Variants in SYT1 observed in about 807,000 individuals in gnomAD.
SYT1 encodes synaptotagmin-1.
In SYT1, 8 loss-of-function variants were observed where a neutral mutation model predicts 44.8. The observed-to-expected ratio is 0.18, with a 90% CI of 0.10 to 0.32. The LOEUF (loss-of-function observed/expected upper bound fraction) is 0.32, where lower values mean the gene tolerates loss of function less well. Ranked by LOEUF, SYT1 falls within the 10% of genes least tolerant of loss-of-function variation. SYT1 has a pLI of 1.00. For missense variants in SYT1, 286 were observed against 509.3 expected (o/e 0.56, Z 4.22); for synonymous variants, 154 against 188.8 (o/e 0.82, Z 1.51).
At chr12:79,403,594 G>A (rs918999258) in intron 9 of SYT1, among the ~76,000 whole-genome samples, 7 of 152,090 alleles carry the variant, frequency 4.6e-5, no homozygotes, top group African/African-American at 1.4e-4. Context: ...ATGAATTTAA[G>A]GGGACACAAT....
intron 3 of SYT1, among the ~76,000 whole-genome samples, chr12:79,051,010 C>A (rs1000273847): frequency 1.3e-5 from 2 of 151,526 alleles, no homozygotes; most frequent in African/African-American, 4.8e-5. Flanking sequence ...TAGGTCAAGT[C>A]ATTTGCCTAA....
Position 79,217,738 on chromosome 12 carries a change from C to T in SYT1, c.166+53C>T, listed in dbSNP as rs944297203. On this transcript the variant is annotated intron_variant, in intron 4 of 10. Coordinates refer to ENST00000261205, the MANE Select transcript of SYT1 (RefSeq NM_005639.3). Reference sequence around the variant, plus strand: ...AAAAATAAGTGGTTGAAAAATACCCCATCCATTGGAAAGAAAGTAGAACTC... The same window carrying T: ...AAAAATAAGTGGTTGAAAAATACCCTATCCATTGGAAAGAAAGTAGAACTC... The T allele has an allele frequency of 2.7e-6, 4 of 1,487,318 alleles. No homozygotes were observed. In the African/African-American group the frequency reaches 4.3e-5, roughly 16 times the overall value. 92.1% of individuals were successfully genotyped at this position (1,487,318 alleles called of 1,614,324 possible).
intron 8 of SYT1, among the ~76,000 whole-genome samples, chr12:79,313,968 G>GCCCTTATTTCCTTGCCAGCCGAAA (rs1880944343): frequency 6.7e-6 from 1 of 148,832 alleles, no homozygotes; most frequent in Non-Finnish European, 1.5e-5. Context: ...AGGAGATCGA[G>GCCCTTATTTCCTTGCCAGCCGAAA]ACCATCCTGG....
chr12:79,179,466 G>GATATAGATATAGAGATATCT, intron 3 of SYT1, among the ~76,000 whole-genome samples: 1 of 3,646 alleles, frequency 2.7e-4, no homozygotes, highest in Non-Finnish European at 7.7e-4. Context: ...AATCTATATA[G>GATATAGATATAGAGATATCT]ATATAGATAT....
chr12:79,386,205 T>C lies in SYT1; in HGVS notation c.928+32586T>C, dbSNP rs58971938. ...CTCCAGAGAAGAAGTTATTAGATTC[T>C]TTACAAAAACACATATTTATTTAAA... is the stretch of plus-strand genomic sequence containing the variant. On this transcript the variant is annotated intron_variant, in intron 9 of 10. Coordinates refer to ENST00000261205, the MANE Select transcript of SYT1 (RefSeq NM_005639.3). Among the ~76,000 whole-genome samples, 701 of 152,260 alleles carry C rather than the reference T, an allele frequency of 4.6e-3. 7 individuals are homozygous for C. Among genetic ancestry groups the C allele is most frequent in the African/African-American group, 0.016 (669 of 41,540 alleles).
At chr12:79,173,852 G>C (rs1340059306) in intron 3 of SYT1, among the ~76,000 whole-genome samples, 1 of 152,024 alleles carries the variant, frequency 6.6e-6, no homozygotes, top group East Asian at 1.9e-4. Context: ...GGATAAGGCA[G>C]ACATCATAAA....
intron 3 of SYT1, among the ~76,000 whole-genome samples, chr12:79,096,183 C>T (rs1287352976): frequency 6.6e-6 from 1 of 151,850 alleles, no homozygotes; most frequent in Non-Finnish European, 1.5e-5. Context: ...TCTTTAATTC[C>T]CTTTTCCTGT....
At chr12:79,301,381 C>T (rs1315139005) in intron 8 of SYT1, among the ~76,000 whole-genome samples, 3 of 152,112 alleles carry the variant, frequency 2.0e-5, no homozygotes, top group Non-Finnish European at 4.4e-5. Context: ...GAGCAAGTTT[C>T]CTCTTTCAGA....
At chr12:78,966,137 T>C (rs537170407) in intron 1 of SYT1, among the ~76,000 whole-genome samples, 1 of 152,148 alleles carries the variant, frequency 6.6e-6, no homozygotes, top group Admixed American at 6.5e-5. Flanking sequence ...TAATTCATAG[T>C]TCACATTTTT....
At chr12:78,940,918 C>T (rs1489780870) in intron 1 of SYT1, among the ~76,000 whole-genome samples, 1 of 152,026 alleles carries the variant, frequency 6.6e-6, no homozygotes, top group South Asian at 2.1e-4. Flanking sequence ...ACATTGAAAA[C>T]GTATGTGTGT....
chr12:79,207,836 C>T (rs970746824), intron 3 of SYT1, among the ~76,000 whole-genome samples: 2 of 152,086 alleles, frequency 1.3e-5, no homozygotes, highest in Admixed American at 6.6e-5. Flanking sequence ...TGCTCAACTT[C>T]AAGAGACAGG....
At chr12:78,920,629 G>T (rs1876931081) in intron 1 of SYT1, among the ~76,000 whole-genome samples, 1 of 151,838 alleles carries the variant, frequency 6.6e-6, no homozygotes, top group Admixed American at 6.6e-5. Context: ...ATTGAGAATA[G>T]AAATAGCTCT....
chr12:79,267,044 A>G (rs539629008), intron 4 of SYT1, among the ~76,000 whole-genome samples: 1 of 152,348 alleles, frequency 6.6e-6, no homozygotes, highest in Non-Finnish European at 1.5e-5. Flanking sequence ...TTTCCAAGTT[A>G]CAGAGAATTC....
At chr12:78,933,258 T>C (rs1877854905) in intron 1 of SYT1, among the ~76,000 whole-genome samples, 1 of 152,170 alleles carries the variant, frequency 6.6e-6, no homozygotes, top group East Asian at 1.9e-4. Flanking sequence ...GTGTATCAAC[T>C]TCTGTGAGCC....
At chr12:79,197,719 T>C (rs952900957) in intron 3 of SYT1, among the ~76,000 whole-genome samples, 2 of 152,200 alleles carry the variant, frequency 1.3e-5, no homozygotes, top group Non-Finnish European at 2.9e-5. Context: ...CATTATCTTT[T>C]AGTTTGTTCA....
At chr12:79,286,800 T>C (rs1047382800) in intron 5 of SYT1, among the ~76,000 whole-genome samples, 2 of 152,122 alleles carry the variant, frequency 1.3e-5, no homozygotes, top group African/African-American at 4.8e-5. Flanking sequence ...ATGTTGAATA[T>C]CTCTAAAGAA....
intron 1 of SYT1, among the ~76,000 whole-genome samples, chr12:78,883,042 T>A (rs866281999): frequency 7.9e-5 from 12 of 151,672 alleles, no homozygotes; most frequent in African/African-American, 2.9e-4. Context: ...GGTCATATGA[T>A]TTTTTAAAAA....
intron 3 of SYT1, among the ~76,000 whole-genome samples, chr12:79,047,898 C>T: frequency 6.6e-6 from 1 of 151,752 alleles, no homozygotes; most frequent in East Asian, 1.9e-4. Flanking sequence ...AATGTATTTC[C>T]TTGCTATTGT....
chr12:79,419,065 C>T (rs570181954), intron 9 of SYT1, among the ~76,000 whole-genome samples: 2 of 152,146 alleles, frequency 1.3e-5, no homozygotes, highest in Non-Finnish European at 2.9e-5. Flanking sequence ...GAACATCTAA[C>T]TTCAGCTTAC....
Sources: allele counts gnomAD v4.1 joint callset (sites outside exome capture counted in the v4.1 genomes callset), GRCh38; gene constraint gnomAD v4.1.1; transcripts MANE v1.5; gene names NCBI Gene and HGNC (gene_info 2026-07-23, HGNC 2026-07-21).